The following KIAA1549L variants were observed in gnomAD, a reference collection of about 807,000 sequenced individuals.
KIAA1549L encodes UPF0606 protein KIAA1549L.
Under a neutral mutation model 160.7 loss-of-function variants are expected in KIAA1549L, and 88 were observed. The observed-to-expected ratio is 0.55, with a 90% CI of 0.46 to 0.65. KIAA1549L has a LOEUF of 0.65. Among genes scored for constraint, KIAA1549L ranks in the 30% least tolerant of loss-of-function variants. The pLI is 0.00. For missense variants in KIAA1549L, 2,258 were observed against 2,437.5 expected (o/e 0.93, Z 1.55); for synonymous variants, 950 against 976.7 (o/e 0.97, Z 0.51).
At chr11:33,652,951 G>A (rs572409290) in intron 17 of KIAA1549L, among the ~76,000 whole-genome samples, 3 of 152,312 alleles carry the variant, frequency 2.0e-5, no homozygotes, top group East Asian at 3.9e-4. Flanking sequence ...CTAAAGAAAC[G>A]TTTGGAAGCT....
chr11:33,445,158 G>A (rs1283730055), intron 1 of KIAA1549L, among the ~76,000 whole-genome samples: 2 of 152,186 alleles, frequency 1.3e-5, no homozygotes, highest in African/African-American at 4.8e-5. Context: ...CCATGGTGAG[G>A]AAGCGAAACC....
At chr11:33,426,233 A>G (rs1378828712) in intron 1 of KIAA1549L, among the ~76,000 whole-genome samples, 5 of 152,206 alleles carry the variant, frequency 3.3e-5, no homozygotes, top group Non-Finnish European at 7.3e-5. Flanking sequence ...AAGCGTATTG[A>G]ACTCTCTGCA....
At chr11:33,406,746 G>A (rs978463285) in intron 1 of KIAA1549L, among the ~76,000 whole-genome samples, 3 of 152,192 alleles carry the variant, frequency 2.0e-5, no homozygotes, top group Non-Finnish European at 2.9e-5. Flanking sequence ...AATTGTAAAG[G>A]ATCAGGCACC....
At chr11:33,631,857 C>T (rs146299761) in intron 16 of KIAA1549L, among the ~76,000 whole-genome samples, 3,178 of 152,244 alleles carry the variant, frequency 0.021, 126 homozygotes, top group African/African-American at 0.07. Flanking sequence ...CCACAGCACT[C>T]GGAATAGTAA....
chr11:33,502,271 A>G (rs1187157517), intron 1 of KIAA1549L, among the ~76,000 whole-genome samples: 2 of 152,084 alleles, frequency 1.3e-5, no homozygotes, highest in African/African-American at 4.8e-5. Context: ...TTAATCGGGG[A>G]TTTTTATGTT....
At chr11:33,655,255 A>G (rs1301305259) in intron 17 of KIAA1549L, among the ~76,000 whole-genome samples, 3 of 152,186 alleles carry the variant, frequency 2.0e-5, no homozygotes, top group African/African-American at 7.2e-5. Flanking sequence ...TGCAAAAGAC[A>G]TACACACACA....
At chr11:33,624,557 C>A (rs773065327) in intron 16 of KIAA1549L, among the ~76,000 whole-genome samples, 3 of 151,856 alleles carry the variant, frequency 2.0e-5, no homozygotes, top group Non-Finnish European at 4.4e-5. Flanking sequence ...TTCAGTAATA[C>A]GAGTCCTGAA....
intron 1 of KIAA1549L, among the ~76,000 whole-genome samples, chr11:33,479,292 ATGCCACCTGGGAGC>A (rs1321284842): frequency 2.0e-5 from 3 of 152,232 alleles, no homozygotes; most frequent in African/African-American, 7.2e-5. Context: ...AGTGACACTC[ATGCCACCTGGGAGC>A]TGCCACCTGG....
intron 1 of KIAA1549L, among the ~76,000 whole-genome samples, chr11:33,404,803 A>T (rs1020966156): frequency 2.0e-5 from 3 of 152,122 alleles, no homozygotes; most frequent in Non-Finnish European, 4.4e-5. Context: ...TGAGGTCAGG[A>T]GTTTGAGACC....
At chr11:33,611,977 A>T (rs7115532) in intron 15 of KIAA1549L, among the ~76,000 whole-genome samples, 58,730 of 152,000 alleles carry the variant, frequency 0.39, 11,415 homozygotes, top group Middle Eastern at 0.51. Flanking sequence ...GGGCCTTTTG[A>T]TGACCTGCTA....
intron 1 of KIAA1549L, among the ~76,000 whole-genome samples, 171 bp downstream of exon 1, chr11:33,377,060 C>A (rs571980666): frequency 7.9e-5 from 12 of 151,744 alleles, no homozygotes; most frequent in East Asian, 1.9e-4. Context: ...GCACTTTGGG[C>A]GGGGAAGAAA....
chr11:33,633,139 C>CTTTT lies in KIAA1549L; in HGVS notation c.5410-12519_5410-12516dup, dbSNP rs56310347. Among the ~76,000 whole-genome samples, 62 of 50,734 alleles carry CTTTT rather than the reference C, an allele frequency of 1.2e-3. 1 individual carries two copies. The highest frequency in any genetic ancestry group is 2.3e-3 in the African/African-American group (27 of 11,778). 33.3% of individuals were successfully genotyped at this position (50,734 alleles called of 152,430 possible). On this transcript the variant is annotated intron_variant, in intron 16 of 20. Transcript: ENST00000658780. ...GACAGGTGCCCACCACCATGCCCAG[C>CTTTT]TTTTTTTTTTTTTTTTTTTTTTTTT... is the stretch of plus-strand genomic sequence containing the variant.
intron 1 of KIAA1549L, among the ~76,000 whole-genome samples, chr11:33,459,690 G>A (rs976327126): frequency 3.9e-5 from 6 of 151,918 alleles, no homozygotes; most frequent in Admixed American, 2.0e-4. Flanking sequence ...GGCCGGGCGC[G>A]GTGGCTCATG....
At chr11:33,475,816 C>T (rs2133036704) in intron 1 of KIAA1549L, among the ~76,000 whole-genome samples, 1 of 152,244 alleles carries the variant, frequency 6.6e-6, no homozygotes, top group South Asian at 2.1e-4. Context: ...GTGATTGTGC[C>T]ACTGTACTTC....
At chr11:33,386,470 C>A (rs2761212) in intron 1 of KIAA1549L, among the ~76,000 whole-genome samples, 94,426 of 151,862 alleles carry the variant, frequency 0.62, 29,650 homozygotes, top group Non-Finnish European at 0.66. Flanking sequence ...CACCTAATGT[C>A]AGAAGTTCGA....
chr11:33,519,940 A>G (rs1590305899), intron 1 of KIAA1549L, among the ~76,000 whole-genome samples: 2 of 86,286 alleles, frequency 2.3e-5, no homozygotes, highest in African/African-American at 1.2e-4. Context: ...TCGGGTCGCC[A>G]TCTTTTTTTT....
intron 1 of KIAA1549L, among the ~76,000 whole-genome samples, chr11:33,434,938 G>C (rs1370729385): frequency 6.6e-6 from 1 of 152,124 alleles, no homozygotes; most frequent in Non-Finnish European, 1.5e-5. Flanking sequence ...ACCATTATAG[G>C]TATAAAGCAG....
intron 12 of KIAA1549L, among the ~76,000 whole-genome samples, chr11:33,597,692 A>G (rs1304156336): frequency 1.3e-5 from 2 of 152,166 alleles, no homozygotes; most frequent in Admixed American, 1.3e-4. Flanking sequence ...CCATTCCCTG[A>G]CAGAGTTCCA....
chr11:33,487,402 C>CCT (rs1852553062), intron 1 of KIAA1549L, among the ~76,000 whole-genome samples: 1 of 85,554 alleles, frequency 1.2e-5, no homozygotes, highest in East Asian at 3.4e-4. Flanking sequence ...GTCTATTGTT[C>CCT]TTTTTTTTTT....
Sources: allele counts gnomAD v4.1 joint callset (sites outside exome capture counted in the v4.1 genomes callset), GRCh38; gene constraint gnomAD v4.1.1; transcripts MANE v1.5; gene names NCBI Gene and HGNC (gene_info 2026-07-23, HGNC 2026-07-21).